Variants in ADAM18 observed in about 807,000 individuals in gnomAD.
ADAM18 encodes the protein ADAM metallopeptidase domain 18, also known as disintegrin and metalloproteinase domain-containing protein 18.
Under a neutral mutation model 94.4 loss-of-function variants are expected in ADAM18, and 117 were observed. The ratio of observed to expected loss-of-function variants is 1.24; its 90% CI spans 1.07 to 1.45. The LOEUF (loss-of-function observed/expected upper bound fraction) is 1.45. Among genes scored for constraint, ADAM18 ranks in the 40% most tolerant of loss-of-function variants. The pLI is 0.00. For synonymous variants in ADAM18, 327 were observed against 291.6 expected (o/e 1.12, Z -1.24); for missense variants, 936 against 880.0 (o/e 1.06, Z -0.81).
chr8:39,600,984 C>T (rs1818885712), intron 2 of ADAM18, among the ~76,000 whole-genome samples: 1 of 152,066 alleles, frequency 6.6e-6, no homozygotes, highest in South Asian at 2.1e-4. Flanking sequence ...GCAGGTTGTA[C>T]AGGAAGCATG....
intron 12 of ADAM18, among the ~76,000 whole-genome samples, 197 bp from the exon 13 acceptor site, chr8:39,663,588 AATCCTGTCTC>A: frequency 7.3e-6 from 1 of 137,904 alleles, no homozygotes; most frequent in Non-Finnish European, 1.6e-5. Flanking sequence ...GACAGAGTGA[AATCCTGTCTC>A]AAAAAAAAAA....
intron 6 of ADAM18, among the ~76,000 whole-genome samples, chr8:39,620,366 AAAAAAAAAC>A (rs1563278306): frequency 7.3e-6 from 1 of 136,466 alleles, no homozygotes; most frequent in African/African-American, 2.8e-5. Flanking sequence ...GCAAAAAAAA[AAAAAAAAAC>A]AAAAAAAAAT....
At chr8:39,691,559 A>G (rs1015528429) in intron 16 of ADAM18, among the ~76,000 whole-genome samples, 5 of 152,116 alleles carry the variant, frequency 3.3e-5, no homozygotes, top group Admixed American at 6.5e-5. Context: ...ATTCACAATA[A>G]CCAAACTATG....
chr8:39,697,605 C>A (rs1821960270), intron 17 of ADAM18, among the ~76,000 whole-genome samples: 1 of 151,618 alleles, frequency 6.6e-6, no homozygotes, highest in Non-Finnish European at 1.5e-5. Context: ...CTTGCTTAAT[C>A]ATATATTTAC....
At chr8:39,596,996 A>G (rs1179815546) in intron 2 of ADAM18, among the ~76,000 whole-genome samples, 1 of 152,162 alleles carries the variant, frequency 6.6e-6, no homozygotes, top group Non-Finnish European at 1.5e-5. Context: ...TCAATATACC[A>G]CTGTCCTTAT....
rs1233730430 is a variant in ADAM18, at chr8:39,629,486, T to G, written c.588+47T>G. The G allele has an allele frequency of 2.3e-6, 3 of 1,296,408 alleles. No individual in the cohort carries two copies. In the African/African-American group the frequency reaches 4.7e-5, roughly 20 times the overall value. The allele number at this position is 1,296,408 out of a possible 1,614,324, so 80.3% of individuals were successfully genotyped here. ...CTTTCAAGAAGGAACTAAGTATGCTTTCAAGAAAGAACTTTCCTTCTTGCA... is the reference window on the plus strand; with the variant it reads ...CTTTCAAGAAGGAACTAAGTATGCTGTCAAGAAAGAACTTTCCTTCTTGCA... On this transcript the variant is annotated intron_variant, in intron 7 of 19. Transcript: ENST00000265707.
intron 13 of ADAM18, 137 bp from the exon 14 acceptor site, chr8:39,667,861 C>T: frequency 1.2e-6 from 1 of 829,044 alleles, no homozygotes; most frequent in South Asian, 1.8e-5. Flanking sequence ...TTTTTTTTGG[C>T]AAACTCACGG....
rs572275955 is a variant in ADAM18 at position 39,601,375 on chromosome 8, C to T, written c.133-4932C>T. ...ATTTATAAGTAATACTTGTTTCCTC[C>T]ACATTTGAGTTTTTCATGCATTTTA... is the stretch of plus-strand genomic sequence containing the variant. On this transcript the variant is annotated intron_variant, in intron 2 of 19. Transcript: ENST00000265707. Among the ~76,000 whole-genome samples the T allele has an allele frequency of 6.6e-5, 10 of 152,340 alleles. No individual in the cohort carries two copies. In the South Asian group the frequency reaches 1.7e-3, roughly 25 times the overall value.
intron 16 of ADAM18, among the ~76,000 whole-genome samples, chr8:39,681,561 A>T (rs1821459424): frequency 6.6e-6 from 1 of 152,208 alleles, no homozygotes; most frequent in Non-Finnish European, 1.5e-5. Flanking sequence ...TGCAGATTTG[A>T]TACCTGGACA....
At chr8:39,712,233 A>C (rs927991347) in intron 18 of ADAM18, among the ~76,000 whole-genome samples, 2 of 152,168 alleles carry the variant, frequency 1.3e-5, no homozygotes, top group African/African-American at 4.8e-5. Context: ...CCTTTGATAA[A>C]ATTCAACAGC....
chr8:39,678,864 T>A (rs1585972815), intron 15 of ADAM18, among the ~76,000 whole-genome samples: 1 of 152,198 alleles, frequency 6.6e-6, no homozygotes, highest in African/African-American at 2.4e-5. Context: ...CTAAACAGAC[T>A]GTGATTCCTT....
intron 18 of ADAM18, among the ~76,000 whole-genome samples, chr8:39,707,789 A>G (rs955658228): frequency 1.3e-5 from 2 of 152,184 alleles, no homozygotes; most frequent in South Asian, 2.1e-4. Context: ...TTTCTTACAT[A>G]TATTTGGAAT....
chr8:39,638,253 T>C (rs924055298), intron 9 of ADAM18, among the ~76,000 whole-genome samples: 1 of 138,288 alleles, frequency 7.2e-6, no homozygotes, highest in Admixed American at 7.6e-5. Context: ...ACATTGGTAT[T>C]AAAGTGAATT....
intron 2 of ADAM18, among the ~76,000 whole-genome samples, chr8:39,595,076 A>G (rs1818701637): frequency 6.6e-6 from 1 of 151,860 alleles, no homozygotes; most frequent in Admixed American, 6.6e-5. Context: ...AGCTCTGTGC[A>G]TTTTTTATCA....
intron 14 of ADAM18, among the ~76,000 whole-genome samples, chr8:39,670,657 A>G (rs1821127848): frequency 6.6e-6 from 1 of 152,250 alleles, no homozygotes; most frequent in African/African-American, 2.4e-5. Flanking sequence ...TTAATGACTA[A>G]GAGAAAAAGA....
Position 39,708,416 on chromosome 8 carries a change from A to G in ADAM18, c.2017+1512A>G, listed in dbSNP as rs201955. Among the ~76,000 whole-genome samples, 3 of 152,220 alleles carry G rather than the reference A, an allele frequency of 2.0e-5. No homozygotes were observed. The East Asian group carries it at 5.8e-4, about 29-fold the overall frequency. ...ATGATTTTCATTCCATATTATTACA[A>G]ACTCTGTAGGCTGTTAAAAAACAAC... On this transcript the variant is annotated intron_variant, in intron 18 of 19. Coordinates refer to ENST00000265707, the MANE Select transcript of ADAM18 (RefSeq NM_014237.3).
chr8:39,629,135 T>C (rs1257660014), intron 6 of ADAM18, among the ~76,000 whole-genome samples: 1 of 151,970 alleles, frequency 6.6e-6, no homozygotes, highest in Non-Finnish European at 1.5e-5. Flanking sequence ...TTATGTTTTT[T>C]TTTTCTCATT....
chr8:39,662,481 G>C (rs994641814), intron 12 of ADAM18, among the ~76,000 whole-genome samples: 2 of 151,960 alleles, frequency 1.3e-5, no homozygotes, highest in Non-Finnish European at 1.5e-5. Flanking sequence ...TTATATTAAA[G>C]GACAAGATCT....
chr8:39,611,288 C>A, intron 6 of ADAM18: 1 of 494,192 alleles, frequency 2.0e-6, no homozygotes, highest in Non-Finnish European at 2.6e-6. Context: ...TCTTCCTTTG[C>A]CTTTGTCTTA....
Sources: allele counts gnomAD v4.1 joint callset (sites outside exome capture counted in the v4.1 genomes callset), GRCh38; gene constraint gnomAD v4.1.1; transcripts MANE v1.5; gene names NCBI Gene and HGNC (gene_info 2026-07-23, HGNC 2026-07-21).